Variants in PITPNM3 observed in about 807,000 individuals in gnomAD.
The protein encoded by PITPNM3 is PITPNM family member 3.
A neutral mutation model predicts 102.0 loss-of-function variants in PITPNM3; 26 were observed. That is an observed-to-expected ratio of 0.25 (90% confidence interval 0.19 to 0.35). PITPNM3 has a LOEUF of 0.35. Ranked by LOEUF, PITPNM3 falls within the 10% of genes least tolerant of loss-of-function variation. PITPNM3 has a pLI of 1.00. For missense variants in PITPNM3, 1,083 were observed against 1,346.1 expected, an observed-to-expected ratio of 0.80 and a Z score of 3.06; for synonymous variants, 578 against 558.6, an observed-to-expected ratio of 1.03 and a Z score of -0.49.
intron 4 of PITPNM3, among the ~76,000 whole-genome samples, chr17:6,487,064 C>T (rs996755785): frequency 6.6e-6 from 1 of 152,182 alleles, no homozygotes; most frequent in African/African-American, 2.4e-5. Context: ...AGCGCTCATG[C>T]TTCATGGTGT....
intron 5 of PITPNM3, 100 bp downstream of exon 5, chr17:6,484,116 C>T (rs527724912): frequency 8.1e-5 from 107 of 1,326,642 alleles, no homozygotes; most frequent in African/African-American, 3.5e-4. Context: ...GCAAGTCAGA[C>T]GAAGAGCTGG....
chr17:6,544,654 T>TCTCACACACA (rs376230474), intron 1 of PITPNM3, among the ~76,000 whole-genome samples: 55 of 130,270 alleles, frequency 4.2e-4, no homozygotes, highest in African/African-American at 1.0e-3. Context: ...TCTCTCTCTC[T>TCTCACACACA]CACACACACA....
chr17:6,526,377 A>C (rs538456869), intron 2 of PITPNM3, among the ~76,000 whole-genome samples: 11 of 152,234 alleles, frequency 7.2e-5, no homozygotes, highest in Non-Finnish European at 1.5e-4. Context: ...GCCGAAAAAC[A>C]GATGTGCCTT....
chr17:6,552,541 C>T (rs539503448), intron 1 of PITPNM3, among the ~76,000 whole-genome samples: 49 of 152,340 alleles, frequency 3.2e-4, no homozygotes, highest in Middle Eastern at 3.4e-3. Context: ...AGTCTTACCC[C>T]GGCACTCCTG....
chr17:6,492,209 G>GC (rs58768358), intron 4 of PITPNM3, among the ~76,000 whole-genome samples: 2 of 151,290 alleles, frequency 1.3e-5, no homozygotes, highest in Admixed American at 6.6e-5. Flanking sequence ...GACTACAGGC[G>GC]CCCCCCCACC....
In PITPNM3 at chr17:6,469,730, C is replaced by G. The variant is rs142688061; in HGVS notation, c.1773+530G>C. ...GCAGCCTCAGCCTCAGGGTTTCCTT[C>G]AAAAAACACAAGCCAGTTGCTATTT... On this transcript the variant is annotated intron_variant, in intron 13 of 19. Coordinates refer to ENST00000262483, the MANE Select transcript of PITPNM3 (RefSeq NM_031220.4). The surrounding 1 kb of genome is among the most constrained non-coding windows in gnomAD (Gnocchi z 4.0). Among the ~76,000 whole-genome samples, 1 of 152,162 alleles carries G rather than the reference C, an allele frequency of 6.6e-6. No homozygotes were observed. The highest frequency in any genetic ancestry group is 1.9e-4 in the East Asian group (1 of 5,190).
At chr17:6,463,645 G>A in intron 17 of PITPNM3, 87 bp downstream of exon 17, 1 of 1,521,602 alleles carries the variant, frequency 6.6e-7, no homozygotes, top group East Asian at 2.4e-5. Flanking sequence ...AATTCCTACA[G>A]CAAATCAGAA....
chr17:6,549,180 G>A (rs187579066), intron 1 of PITPNM3, among the ~76,000 whole-genome samples: 211 of 152,196 alleles, frequency 1.4e-3, no homozygotes, highest in East Asian at 6.6e-3. Context: ...CTGCTTTCCA[G>A]AGGCAGATGC....
chr17:6,515,998 C>G (rs1470970888), intron 3 of PITPNM3, among the ~76,000 whole-genome samples: 3 of 152,142 alleles, frequency 2.0e-5, no homozygotes, highest in Admixed American at 1.3e-4. Context: ...CAAGACAACA[C>G]AGCGAGACCC....
intron 3 of PITPNM3, chr17:6,521,507 CA>C (rs1262851631): frequency 2.6e-5 from 4 of 151,802 alleles, no homozygotes; most frequent in Non-Finnish European, 5.9e-5. Flanking sequence ...CAAACAATTG[CA>C]AAAATAATAA....
At chr17:6,481,040 C>T (rs1905636602) in intron 6 of PITPNM3, 1 of 152,288 alleles carries the variant, frequency 6.6e-6, no homozygotes, top group African/African-American at 2.4e-5. Flanking sequence ...TCCTTTCTCC[C>T]CACCAGCTGG....
At chr17:6,510,744 C>T (rs549273209) in intron 3 of PITPNM3, among the ~76,000 whole-genome samples, 2 of 152,210 alleles carry the variant, frequency 1.3e-5, no homozygotes, top group African/African-American at 4.8e-5. Flanking sequence ...CAGAGTGGTC[C>T]GTGCTACAGA....
intron 6 of PITPNM3, among the ~76,000 whole-genome samples, chr17:6,482,688 G>A (rs571819411): frequency 9.8e-5 from 15 of 152,292 alleles, no homozygotes; most frequent in Admixed American, 5.2e-4. Context: ...CTATCTCCAG[G>A]TAGACAGAGG....
In PITPNM3 at chr17:6,503,515, G is replaced by A. The variant is rs767451403; in HGVS notation, c.274+12C>T. On this transcript the variant is annotated intron_variant, in intron 4 of 19. Transcript: ENST00000262483. ...GGGAAGAAATGACCCCACAGGGTCAGGCTTGACTCACGCTGCTTCTCCTGG... is the reference window on the plus strand; with the variant it reads ...GGGAAGAAATGACCCCACAGGGTCAAGCTTGACTCACGCTGCTTCTCCTGG... 33 of 1,612,710 alleles carry A rather than the reference G, an allele frequency of 2.0e-5. No individual in the cohort carries two copies. Among genetic ancestry groups the A allele is most frequent in the Non-Finnish European group, 2.7e-5 (32 of 1,179,924 alleles).
chr17:6,464,462 G>A (rs1052664275), intron 15 of PITPNM3, 144 bp from the exon 16 acceptor site: 2 of 1,112,520 alleles, frequency 1.8e-6, no homozygotes, highest in African/African-American at 1.5e-5. Flanking sequence ...TTTGTCCTTG[G>A]ATACTCTGAG....
At position 6,451,994 on chromosome 17, in the gene PITPNM3, A is replaced by G. The variant is rs1183524379; in HGVS notation, c.*3344T>C. 6.7e-6 allele frequency: 1 copy of G among 148,696 alleles called. No individual in the cohort carries two copies. The highest frequency in any genetic ancestry group is 2.5e-5 in the African/African-American group (1 of 40,526). 9.2% of individuals were successfully genotyped at this position (148,696 alleles called of 1,614,324 possible). A position where few individuals can be genotyped will look rare whatever the true frequency, so the allele number is the denominator to read the frequency against. ...GGGAGAGTGAGGATGCAGAGGACCC[A>G]CGTGCCTCATGAAAGACTCCAGGGC... is the stretch of plus-strand genomic sequence containing the variant. On this transcript the variant is annotated 3_prime_UTR_variant, in exon 20 of 20. Coordinates refer to ENST00000262483, the MANE Select transcript of PITPNM3 (RefSeq NM_031220.4).
rs55839764 is a variant in PITPNM3 at position 6,505,195 on chromosome 17, A to AATATATAT, written c.227-1629_227-1622dup. Among the ~76,000 whole-genome samples, 305 of 136,304 alleles carry AATATATAT rather than the reference A, an allele frequency of 2.2e-3. 10 individuals carry two copies. The highest frequency in any genetic ancestry group is 7.6e-3 in the African/African-American group (256 of 33,874). The allele number at this position is 136,304 out of a possible 152,430, so 89.4% of individuals were successfully genotyped here. On this transcript the variant is annotated intron_variant, in intron 3 of 19. Coordinates refer to ENST00000262483, the MANE Select transcript of PITPNM3 (RefSeq NM_031220.4). Reference sequence around the variant, plus strand: ...CGTCTCCAAAAAAGAAGACAAATAAAATATATATATATATATATATGTAAA... The same window carrying AATATATAT: ...CGTCTCCAAAAAAGAAGACAAATAAAATATATATATATATATATATATATATATGTAAA...
chr17:6,556,534 TGCCGCCACCGCA>T lies in PITPNM3; in HGVS notation c.-140_-129del, dbSNP rs1437474905. On this transcript the variant is annotated 5_prime_UTR_variant, in exon 1 of 20. Coordinates refer to ENST00000262483, the MANE Select transcript of PITPNM3 (RefSeq NM_031220.4). The surrounding 1 kb of genome is among the most constrained non-coding windows in gnomAD (Gnocchi z 5.2). ...GCGCCCCCGCCCCGCTCGCCTCGGC[TGCCGCCACCGCA>T]GCCGCCGCCGCCTCGCCGCTCCCTC... The T allele has an allele frequency of 5.0e-5, 29 of 575,862 alleles. No homozygotes were observed. The African/African-American group carries it at 6.0e-4, about 12-fold the overall frequency. 35.7% of individuals were successfully genotyped at this position (575,862 alleles called of 1,614,324 possible).
intron 3 of PITPNM3, among the ~76,000 whole-genome samples, chr17:6,523,536 T>C (rs1191306741): frequency 6.6e-6 from 1 of 152,120 alleles, no homozygotes; most frequent in Non-Finnish European, 1.5e-5. Flanking sequence ...TGCCCTTAGC[T>C]CTCACTGGGT....
Sources: allele counts gnomAD v4.1 joint callset (sites outside exome capture counted in the v4.1 genomes callset), GRCh38; gene constraint gnomAD v4.1.1; non-coding constraint Gnocchi (gnomAD v3.1); transcripts MANE v1.5; gene names NCBI Gene and HGNC (gene_info 2026-07-23, HGNC 2026-07-21).